Variants in ADAM22 observed in about 807,000 individuals in gnomAD.
ADAM22 encodes the protein ADAM metallopeptidase domain 22.
Under a neutral mutation model 144.6 loss-of-function variants are expected in ADAM22, and 65 were observed. The ratio of observed to expected loss-of-function variants is 0.45; its 90% CI spans 0.37 to 0.55. The LOEUF (loss-of-function observed/expected upper bound fraction) is 0.55. Ranked by LOEUF, ADAM22 falls within the 20% of genes least tolerant of loss-of-function variation. The pLI, the probability that ADAM22 is intolerant of heterozygous loss-of-function variation, is 0.00. For missense variants in ADAM22, 974 were observed against 1,184.9 expected, an observed-to-expected ratio of 0.82 and a Z score of 2.61; for synonymous variants, 391 against 412.6, an observed-to-expected ratio of 0.95 and a Z score of 0.63.
chr7:88,103,928 A>G (rs566174230), intron 4 of ADAM22, among the ~76,000 whole-genome samples: 1 of 152,276 alleles, frequency 6.6e-6, no homozygotes, highest in South Asian at 2.1e-4. Context: ...ATTCTAAAAC[A>G]TGTAAGTGCA....
At chr7:88,051,566 A>G (rs781751484) in intron 3 of ADAM22, among the ~76,000 whole-genome samples, 40 of 143,852 alleles carry the variant, frequency 2.8e-4, no homozygotes, top group Admixed American at 5.5e-4. Context: ...TGGGGGGAGG[A>G]GGGAGGGATA....
At chr7:87,973,584 C>G (rs571008438) in intron 2 of ADAM22, among the ~76,000 whole-genome samples, 5 of 152,232 alleles carry the variant, frequency 3.3e-5, no homozygotes, top group East Asian at 1.9e-4. Flanking sequence ...CATCCCATTA[C>G]TGGGTATATA....
intron 30 of ADAM22, among the ~76,000 whole-genome samples, chr7:88,192,188 GTT>G (rs1176310717): frequency 6.6e-6 from 1 of 152,170 alleles, no homozygotes; most frequent in Non-Finnish European, 1.5e-5. Flanking sequence ...AGTGTAACCA[GTT>G]CAATGTGGGT....
At chr7:88,013,573 C>T (rs187490542) in intron 3 of ADAM22, among the ~76,000 whole-genome samples, 1 of 152,252 alleles carries the variant, frequency 6.6e-6, no homozygotes, top group Admixed American at 6.5e-5. Context: ...TACAGGTACA[C>T]AGCACCATGC....
intron 3 of ADAM22, among the ~76,000 whole-genome samples, chr7:88,005,707 CTAA>C (rs1473026055): frequency 6.6e-6 from 1 of 152,120 alleles, no homozygotes; most frequent in Non-Finnish European, 1.5e-5. Context: ...TGGAATTTTA[CTAA>C]TATGATACAA....
chr7:88,102,740 T>C (rs1823278542), intron 4 of ADAM22, among the ~76,000 whole-genome samples: 1 of 152,240 alleles, frequency 6.6e-6, no homozygotes, highest in South Asian at 2.1e-4. Context: ...TTAACAAAGT[T>C]TGAGAATCAC....
At chr7:88,063,883 A>G (rs1273812079) in intron 3 of ADAM22, among the ~76,000 whole-genome samples, 1 of 152,232 alleles carries the variant, frequency 6.6e-6, no homozygotes, top group African/African-American at 2.4e-5. Context: ...CAGAAAATAT[A>G]TGTGCAAGAT....
At chr7:87,966,683 G>A (rs1192197179) in intron 2 of ADAM22, among the ~76,000 whole-genome samples, 2 of 140,862 alleles carry the variant, frequency 1.4e-5, no homozygotes, top group Non-Finnish European at 3.0e-5. Flanking sequence ...TAAATTCGGG[G>A]AATGCCTCTC....
intron 3 of ADAM22, among the ~76,000 whole-genome samples, chr7:88,002,211 T>C (rs1201841): frequency 0.081 from 12,275 of 152,256 alleles, 621 homozygotes; most frequent in African/African-American, 0.12. Flanking sequence ...GCTCTCTATC[T>C]TTAGTTTCTA....
chr7:88,190,295 G>A (rs1849327308), intron 30 of ADAM22, among the ~76,000 whole-genome samples: 1 of 152,142 alleles, frequency 6.6e-6, no homozygotes, highest in Non-Finnish European at 1.5e-5. Flanking sequence ...AGCACTTTGG[G>A]AGGCCGAGAT....
rs1331432825 is a variant in ADAM22 at position 88,153,225 on chromosome 7, G to A, written c.1686G>A (p.Val562=). Residue 562 remains valine (V), a synonymous_variant, in exon 21 of 32, where the codon GTG becomes GTA. Coordinates refer to ENST00000413139, the MANE Select transcript of ADAM22 (RefSeq NM_001324418.2). ...GAAAATTTTTTTCTGCCTTAGAGGT[G>A]ACAGCATCAGACAAATATTGCTATG... ...RQCKYIWGQK[V]TASDKYCYEK... is the part of the protein sequence containing the mutation. 6.2e-7 allele frequency: 1 copy of A among 1,612,490 alleles called. No individual in the cohort carries two copies. The highest frequency in any genetic ancestry group is 8.5e-7 in the Non-Finnish European group (1 of 1,179,272).
At chr7:87,955,100 G>A (rs926754074) in intron 2 of ADAM22, among the ~76,000 whole-genome samples, 1 of 152,176 alleles carries the variant, frequency 6.6e-6, no homozygotes, top group African/African-American at 2.4e-5. Context: ...ATAGCTCGGA[G>A]TAATTTGATC....
chr7:87,992,209 C>T (rs2129451729), intron 3 of ADAM22, among the ~76,000 whole-genome samples: 1 of 152,242 alleles, frequency 6.6e-6, no homozygotes, highest in East Asian at 1.9e-4. Context: ...GATTTTGCTA[C>T]AGCAGGTTAT....
Position 88,202,721 on chromosome 7 carries a change from T to G in ADAM22, c.*6230T>G, listed in dbSNP as rs888682525. The G allele has an allele frequency of 6.6e-6, 1 of 152,234 alleles. No individual in the cohort carries two copies. Among genetic ancestry groups the G allele is most frequent in the Non-Finnish European group, 1.5e-5 (1 of 68,040 alleles). The allele number at this position is 152,234 out of a possible 1,614,324, so 9.4% of individuals were successfully genotyped here. On this transcript the variant is annotated 3_prime_UTR_variant, in exon 32 of 32. Coordinates refer to ENST00000413139, the MANE Select transcript of ADAM22 (RefSeq NM_001324418.2). ...TATAAAATTGTTCTTACATTGTAGG[T>G]AAACAAAATCTTGATGTTTTTAAAG...
chr7:87,955,725 C>T (rs547558371), intron 2 of ADAM22, among the ~76,000 whole-genome samples: 1 of 152,336 alleles, frequency 6.6e-6, no homozygotes, highest in South Asian at 2.1e-4. Flanking sequence ...GCCCTGCCCC[C>T]AGAGGTGTAG....
intron 3 of ADAM22, among the ~76,000 whole-genome samples, chr7:88,045,760 A>G (rs1262103221): frequency 2.0e-5 from 3 of 152,124 alleles, no homozygotes; most frequent in Non-Finnish European, 4.4e-5. Context: ...TAGATTCCAC[A>G]TGTAAATGAG....
intron 3 of ADAM22, among the ~76,000 whole-genome samples, chr7:88,065,845 A>G (rs1432242054): frequency 6.6e-6 from 1 of 152,310 alleles, no homozygotes; most frequent in East Asian, 1.9e-4. Context: ...TGCAGGTTCA[A>G]AAGGTATACA....
At chr7:87,981,632 C>T (rs555646408) in intron 3 of ADAM22, among the ~76,000 whole-genome samples, 3 of 152,220 alleles carry the variant, frequency 2.0e-5, no homozygotes, top group African/African-American at 7.2e-5. Flanking sequence ...TCAGTCTTGC[C>T]TTCTCTCATT....
At chr7:88,152,131 G>C (rs1218074872) in intron 20 of ADAM22, among the ~76,000 whole-genome samples, 1 of 152,110 alleles carries the variant, frequency 6.6e-6, no homozygotes, top group Non-Finnish European at 1.5e-5. Context: ...GAAACATTGG[G>C]ATGGGAAAAC....
Sources: allele counts gnomAD v4.1 joint callset (sites outside exome capture counted in the v4.1 genomes callset), GRCh38; gene constraint gnomAD v4.1.1; transcripts MANE v1.5; gene names NCBI Gene and HGNC (gene_info 2026-07-23, HGNC 2026-07-21).